UBR3: variants seen among roughly 807,000 people sequenced by gnomAD.
UBR3 encodes E3 ubiquitin-protein ligase UBR3.
Under a neutral mutation model 243.2 loss-of-function variants are expected in UBR3, and 85 were observed. That is an observed-to-expected ratio of 0.35 (90% CI 0.29 to 0.42). The LOEUF (loss-of-function observed/expected upper bound fraction) is 0.42, where lower values mean the gene tolerates loss of function less well. Ranked by LOEUF, UBR3 falls within the 10% of genes least tolerant of loss-of-function variation. The probability of loss-of-function intolerance (pLI) is 1.00; values close to 1 mark genes in which losing one functional copy is unlikely to be tolerated. For missense variants in UBR3, 1,686 were observed against 2,300.8 expected (o/e 0.73, Z 5.47); for synonymous variants, 748 against 799.8 (o/e 0.94, Z 1.09).
chr2:169,942,551 T>G lies in UBR3; in HGVS notation c.2722T>G (p.Ser908Ala), dbSNP rs769415259. 1.2e-5 allele frequency: 18 copies of G among 1,550,524 alleles called. No homozygotes were observed. Among genetic ancestry groups the G allele is most frequent in the African/African-American group, 2.7e-5 (2 of 73,032 alleles). Residue 908 changes from serine (S) to alanine (A), a missense_variant, in exon 20 of 39, where the codon TCA (serine) becomes GCA (alanine). By Grantham distance (99) the Ser-to-Ala change is moderately conservative (BLOSUM62 1). Coordinates refer to ENST00000272793, the MANE Select transcript of UBR3 (RefSeq NM_172070.4). ...NPWPPYKKRT[S>A]LHPSYKGLMR... is the part of the protein sequence containing the mutation. ...CTGGCCTCCATATAAGAAAAGGACATCACTCCATCCTAGCTATAAAGGTCT... is the reference window on the plus strand; with the variant it reads ...CTGGCCTCCATATAAGAAAAGGACAGCACTCCATCCTAGCTATAAAGGTCT...
Position 170,082,929 on chromosome 2 carries a change from T to G in UBR3, c.*1086T>G, listed in dbSNP as rs547383939. The G allele has an allele frequency of 6.6e-6, 1 of 152,582 alleles. No homozygotes were observed. Among genetic ancestry groups the G allele is most frequent in the Non-Finnish European group, 1.5e-5 (1 of 68,020 alleles). 9.5% of individuals were successfully genotyped at this position (152,582 alleles called of 1,614,324 possible). A position where few individuals can be genotyped will look rare whatever the true frequency, so the allele number is the denominator to read the frequency against. On this transcript the variant is annotated 3_prime_UTR_variant, in exon 39 of 39. Coordinates refer to ENST00000272793, the MANE Select transcript of UBR3 (RefSeq NM_172070.4). ...TTAGAAACTGCTGTGAAAAACAATTTATGTTTGCAGGGTTTAAAAATCAGT... is the reference window on the plus strand; with the variant it reads ...TTAGAAACTGCTGTGAAAAACAATTGATGTTTGCAGGGTTTAAAAATCAGT...
At chr2:169,899,860 A>G (rs940619656) in intron 8 of UBR3, among the ~76,000 whole-genome samples, 2 of 152,112 alleles carry the variant, frequency 1.3e-5, no homozygotes, top group Admixed American at 6.5e-5. Context: ...ATAGTATTCC[A>G]TGGTGTATAT....
intron 32 of UBR3, among the ~76,000 whole-genome samples, chr2:170,050,886 T>C (rs2091201256): frequency 6.6e-6 from 1 of 152,206 alleles, no homozygotes; most frequent in African/African-American, 2.4e-5. Flanking sequence ...TAATCATCCA[T>C]TGGTATCCAT....
At chr2:169,970,228 T>C (rs1163696800) in intron 24 of UBR3, among the ~76,000 whole-genome samples, 1 of 138,796 alleles carries the variant, frequency 7.2e-6, no homozygotes, top group Non-Finnish European at 1.5e-5. Context: ...GTTAAACTTG[T>C]TCCTAGGTTT....
At chr2:169,917,960 C>T (rs1364489709) in intron 11 of UBR3, among the ~76,000 whole-genome samples, 1 of 152,202 alleles carries the variant, frequency 6.6e-6, no homozygotes, top group Non-Finnish European at 1.5e-5. Context: ...ACCTCGGCCT[C>T]CCAAAGTTCT....
At position 169,927,348 on chromosome 2, in the gene UBR3, C is replaced by T. The variant is rs780449821; in HGVS notation, c.2367C>T (p.Ala789=). ...TGTCTGATGATGAGATTCTCAGGGCCGAGATGGTAGCCCAGCTGTGTATGA... is the reference window on the plus strand; with the variant it reads ...TGTCTGATGATGAGATTCTCAGGGCTGAGATGGTAGCCCAGCTGTGTATGA... The part of the protein sequence containing the change: ...LGMSDDEILR[A]EMVAQLCMND... Residue 789 remains alanine (A), a synonymous_variant, in exon 17 of 39, where the codon GCC becomes GCT. Transcript: ENST00000272793. 1.9e-5 allele frequency: 29 copies of T among 1,550,574 alleles called. No individual in the cohort carries two copies. The highest frequency in any genetic ancestry group is 6.0e-5 in the South Asian group (5 of 83,774).
chr2:169,925,472 A>G (rs993020871), intron 13 of UBR3, 147 bp from the exon 14 acceptor site: 3 of 700,584 alleles, frequency 4.3e-6, no homozygotes, highest in Admixed American at 8.0e-5. Context: ...GTAAAAATGT[A>G]TATTTCAACT....
At chr2:170,009,030 G>T in intron 29 of UBR3, 90 bp downstream of exon 29, 1 of 907,208 alleles carries the variant, frequency 1.1e-6, no homozygotes, top group South Asian at 2.7e-5. Context: ...TTATTTAAAG[G>T]ATGCATATTT....
chr2:170,059,111 C>T (rs559590193), intron 33 of UBR3, among the ~76,000 whole-genome samples: 4 of 152,096 alleles, frequency 2.6e-5, no homozygotes, highest in East Asian at 1.9e-4. Context: ...CCTACTTTTT[C>T]GTTTATTCAA....
At chr2:170,039,915 G>A (rs558327993) in intron 31 of UBR3, among the ~76,000 whole-genome samples, 3 of 151,878 alleles carry the variant, frequency 2.0e-5, no homozygotes, top group Admixed American at 2.0e-4. Context: ...TTTATTTTTT[G>A]TAGAGACAGG....
chr2:169,960,571 A>G (rs930304808), intron 24 of UBR3, among the ~76,000 whole-genome samples: 1 of 151,850 alleles, frequency 6.6e-6, no homozygotes, highest in African/African-American at 2.4e-5. Context: ...TGATAATTAT[A>G]TTTTTGTTTT....
At chr2:170,075,925 A>C (rs975585260) in intron 36 of UBR3, among the ~76,000 whole-genome samples, 16 of 152,264 alleles carry the variant, frequency 1.1e-4, no homozygotes, top group African/African-American at 3.4e-4. Context: ...AAAAAAAAAA[A>C]AAACAGGATT....
At chr2:170,073,108 T>C (rs180827406) in intron 35 of UBR3, among the ~76,000 whole-genome samples, 52 of 152,298 alleles carry the variant, frequency 3.4e-4, no homozygotes, top group African/African-American at 1.3e-3. Flanking sequence ...TTGCCCCATA[T>C]TAACATTTGC....
chr2:169,892,709 C>T (rs2084422192), intron 6 of UBR3, among the ~76,000 whole-genome samples: 1 of 152,110 alleles, frequency 6.6e-6, no homozygotes, highest in Admixed American at 6.6e-5. Flanking sequence ...GGGAATGGCT[C>T]AATTTTTGTA....
intron 1 of UBR3, among the ~76,000 whole-genome samples, chr2:169,835,833 T>TA (rs1486592473): frequency 6.6e-6 from 1 of 151,920 alleles, no homozygotes; most frequent in African/African-American, 2.4e-5. Flanking sequence ...GTATAACAGA[T>TA]ACCTTTGTAC....
At chr2:169,913,244 G>C (rs1352876585) in intron 10 of UBR3, among the ~76,000 whole-genome samples, 1 of 151,944 alleles carries the variant, frequency 6.6e-6, no homozygotes, top group Non-Finnish European at 1.5e-5. Flanking sequence ...GCTTTGATTT[G>C]CATTTTCCTA....
intron 17 of UBR3, 44 bp from the exon 18 acceptor site, chr2:169,928,683 C>A: frequency 7.1e-7 from 1 of 1,400,652 alleles, no homozygotes; most frequent in South Asian, 1.6e-5. Flanking sequence ...GGCTATAAAT[C>A]TGGCTTTTTG....
intron 11 of UBR3, among the ~76,000 whole-genome samples, chr2:169,922,084 C>T (rs1024573672): frequency 4.6e-5 from 7 of 151,612 alleles, no homozygotes; most frequent in South Asian, 2.1e-4. Flanking sequence ...CCCAGGAGTT[C>T]GAGAGCAGTC....
At chr2:170,022,319 G>T (rs780132183) in intron 30 of UBR3, among the ~76,000 whole-genome samples, 2 of 152,144 alleles carry the variant, frequency 1.3e-5, no homozygotes, top group Non-Finnish European at 2.9e-5. Flanking sequence ...AACTCCGGGA[G>T]GCAGGAGAGG....
Sources: gnomAD v4.1 joint callset for allele counts (sites outside exome capture counted in the v4.1 genomes callset) on GRCh38, gnomAD v4.1.1 for gene constraint, MANE v1.5 for transcripts, NCBI Gene and HGNC (gene_info 2026-07-23, HGNC 2026-07-21) for gene names.